The following IGSF22 variants were observed in gnomAD, a reference collection of about 807,000 sequenced individuals.
IGSF22 encodes the protein immunoglobulin superfamily, member 22.
A neutral mutation model predicts 127.0 loss-of-function variants in IGSF22; 119 were observed. That is an observed-to-expected ratio of 0.94 (90% CI 0.81 to 1.09). The LOEUF (loss-of-function observed/expected upper bound fraction) is 1.09. Among genes scored for constraint, IGSF22 ranks in the 50% least tolerant of loss-of-function variants. IGSF22 has a pLI of 0.00. For missense variants in IGSF22, 1,518 were observed against 1,716.6 expected (o/e 0.88, Z 2.04); for synonymous variants, 568 against 664.7 (o/e 0.85, Z 2.24).
chr11:18,712,280 T>A lies in IGSF22; in HGVS notation c.2200A>T (p.Thr734Ser). ...APKDNGGRPV[T>S]QFIVERRAVG... ...GCCCTCCGTTCCACTATGAACTGTG[T>A]CACAGGTCGTCCACCATTGTCCTTT... The change falls in exon 15 of 23, where the codon ACA becomes TCA. Residue 734 changes from threonine to serine, a missense_variant. Around this residue, in one of 3 missense-constraint regions of IGSF22, gnomAD observed 1,456 missense variants for 1,644.9 expected, o/e 0.89. Coordinates refer to ENST00000513874, the MANE Select transcript of IGSF22 (RefSeq NM_173588.4). The A allele has an allele frequency of 1.3e-6, 2 of 1,551,724 alleles. No homozygotes were observed. The highest frequency in any genetic ancestry group is 2.4e-5 in the South Asian group (2 of 84,060).
rs1312399503 is a variant in IGSF22, at chr11:18,710,772, T to C, written c.2455A>G (p.Thr819Ala). 4 of 1,614,056 alleles carry C rather than the reference T, an allele frequency of 2.5e-6. No homozygotes were observed. The highest frequency in any genetic ancestry group is 3.4e-6 in the Non-Finnish European group (4 of 1,179,994). ...TGGGTAGGGGCATTCCACGTGATGG[T>C]CACGGCTTCTTTAGTCACATCAGTC... ...QVTDVTKEAV[T>A]ITWNAPTQDG... The change falls in exon 16 of 23, where the codon ACC becomes GCC. Residue 819 changes from threonine to alanine, a missense_variant. This residue lies in a region of IGSF22 where 1,456 missense variants were observed against 1,644.9 expected (regional missense o/e 0.89). Transcript: ENST00000513874.
At position 18,709,458 on chromosome 11, in the gene IGSF22, C is replaced by T. The variant is rs73426484; in HGVS notation, c.2927G>A (p.Arg976Gln). The part of the protein sequence containing the change: ...IERQKYFFRI[R>Q]AVNEAGVGEP... Reference sequence around the variant, plus strand: ...CCCAACCCCAGCCTCATTCACAGCCCGGATTCGGAAGAAGTATTTCTGCCT... The same window carrying T: ...CCCAACCCCAGCCTCATTCACAGCCTGGATTCGGAAGAAGTATTTCTGCCT... The change falls in exon 18 of 23, where the codon CGG becomes CAG. Residue 976 changes from arginine to glutamine, a missense_variant. This residue lies in a region of IGSF22 where 1,456 missense variants were observed against 1,644.9 expected (regional missense o/e 0.89). Coordinates refer to ENST00000513874, the MANE Select transcript of IGSF22 (RefSeq NM_173588.4). The surrounding 1 kb of genome is among the most constrained non-coding windows in gnomAD (Gnocchi z 4.8). 4,151 of 1,614,132 alleles carry T rather than the reference C, an allele frequency of 2.6e-3. 79 individuals are homozygous for T. In the African/African-American group the frequency reaches 0.048, roughly 19 times the overall value.
At chr11:18,721,283 C>T (rs987863603) in intron 4 of IGSF22, among the ~76,000 whole-genome samples, 12 of 152,242 alleles carry the variant, frequency 7.9e-5, no homozygotes, top group African/African-American at 2.9e-4. Context: ...CGCCCCGCCA[C>T]GTTCTGGCTC....
In IGSF22 at chr11:18,716,847, G is replaced by A. The variant is rs770534188; in HGVS notation, c.1127C>T (p.Thr376Met). The change falls in exon 10 of 23, where the codon ACG (threonine) becomes ATG (methionine). Residue 376 changes from threonine to methionine, a missense_variant. Physicochemically the swap from Thr to Met is moderately conservative, Grantham distance 81. Around this residue, in one of 3 missense-constraint regions of IGSF22, gnomAD observed 1,456 missense variants for 1,644.9 expected, o/e 0.89. Transcript: ENST00000513874. This position sits in a 1 kb window ranked among gnomAD's most constrained non-coding sequence, Gnocchi z 4.5. Reference sequence around the variant, plus strand: ...GTGCGTCAGACCATCTTCGGACACCGTGATTTCATACTTGTCATCCCTCTT... The same window carrying A: ...GTGCGTCAGACCATCTTCGGACACCATGATTTCATACTTGTCATCCCTCTT... ...ELKRDDKYEITVSEDGLTHTL... is the reference protein window; with the variant it reads ...ELKRDDKYEIMVSEDGLTHTL... 1.5e-5 allele frequency: 25 copies of A among 1,614,064 alleles called. No homozygotes were observed. Among genetic ancestry groups the A allele is most frequent in the Non-Finnish European group, 2.1e-5 (25 of 1,180,044 alleles).
At chr11:18,712,917 C>T (rs530710030) in intron 14 of IGSF22, among the ~76,000 whole-genome samples, 196 of 152,236 alleles carry the variant, frequency 1.3e-3, no homozygotes, top group African/African-American at 4.5e-3. Flanking sequence ...ATGGCGTGTA[C>T]GTGGCGTGTT....
chr11:18,717,337 A>C (rs1205056416), intron 9 of IGSF22, among the ~76,000 whole-genome samples: 1 of 152,226 alleles, frequency 6.6e-6, no homozygotes, highest in Non-Finnish European at 1.5e-5. Flanking sequence ...ATCAAAGAGA[A>C]GTTAAATAAC....
At chr11:18,710,855 G>T (rs529192128) in intron 15 of IGSF22, 27 bp from the exon 16 acceptor site, 2 of 1,590,068 alleles carry the variant, frequency 1.3e-6, no homozygotes, top group East Asian at 4.5e-5. Flanking sequence ...GAGTGCAAAG[G>T]TTAGGAGGGG....
intron 17 of IGSF22, 148 bp downstream of exon 17, chr11:18,710,179 G>A: frequency 1.9e-6 from 2 of 1,040,504 alleles, no homozygotes; most frequent in Non-Finnish European, 2.8e-6. Flanking sequence ...TCTCTTGTGT[G>A]TGAATCTTGT....
intron 12 of IGSF22, 23 bp from the exon 13 acceptor site, chr11:18,714,441 AG>A: frequency 6.2e-7 from 1 of 1,614,068 alleles, no homozygotes; most frequent in Non-Finnish European, 8.5e-7. Flanking sequence ...GGTGGGCCTG[AG>A]TGTGAGCATA....
rs1422414953 is a variant in IGSF22 at position 18,712,226 on chromosome 11, CTA to C, written c.2252_2253del (p.Ile751ArgfsTer35). The C allele has an allele frequency of 3.2e-6, 5 of 1,551,640 alleles. No homozygotes were observed. In the Admixed American group the frequency reaches 9.8e-5, roughly 30 times the overall value. On this transcript the variant is annotated frameshift_variant, in exon 15 of 23. Coordinates refer to ENST00000513874, the MANE Select transcript of IGSF22 (RefSeq NM_173588.4). LOFTEE classifies it high-confidence loss of function. ...TTGGTGACTTTGCCGTCCACCTCGCCTATCTTAATCCAGGACTTCTTGCCAAC... is the reference window on the plus strand; with the variant it reads ...TTGGTGACTTTGCCGTCCACCTCGCCTCTTAATCCAGGACTTCTTGCCAAC... ...RAVGKKSWIK[I>X]GEVDGKVTNF... is the part of the protein sequence containing the mutation.
chr11:18,716,722 A>C lies in IGSF22; in HGVS notation c.1246+6T>G. On this transcript the variant is annotated splice_donor_region_variant and intron_variant, in intron 10 of 22. Coordinates refer to ENST00000513874, the MANE Select transcript of IGSF22 (RefSeq NM_173588.4). The surrounding 1 kb of genome is among the most constrained non-coding windows in gnomAD (Gnocchi z 4.5). ...CCACCCCTTAGGCTCTTGCCCAACC[A>C]CTCACGGTCAACAGTGAGCTGGGCC... The C allele has an allele frequency of 6.2e-7, 1 of 1,611,910 alleles. No homozygotes were observed. Among genetic ancestry groups the C allele is most frequent in the Non-Finnish European group, 8.5e-7 (1 of 1,178,136 alleles).
chr11:18,725,842 T>C (rs1035971601), intron 1 of IGSF22, among the ~76,000 whole-genome samples: 2 of 152,200 alleles, frequency 1.3e-5, no homozygotes, highest in African/African-American at 4.8e-5. Flanking sequence ...AGCTTTTGAC[T>C]CCAGTCCAGT....
rs1003838824 is a variant in IGSF22 at position 18,709,966 on chromosome 11, C to T, written c.2702-283G>A. Among the ~76,000 whole-genome samples, 2 of 152,176 alleles carry T rather than the reference C, an allele frequency of 1.3e-5. No homozygotes were observed. The highest frequency in any genetic ancestry group is 2.9e-5 in the Non-Finnish European group (2 of 68,022). On this transcript the variant is annotated intron_variant, in intron 17 of 22. Transcript: ENST00000513874. The surrounding 1 kb of genome is among the most constrained non-coding windows in gnomAD (Gnocchi z 4.8). ...TTCAAAACCCCAGCCTTTAACCCAA[C>T]CATCTCCACCACATCCACTTCCAGG...
intron 14 of IGSF22, among the ~76,000 whole-genome samples, chr11:18,713,260 C>A (rs1184662699): frequency 6.7e-6 from 1 of 149,832 alleles, no homozygotes; most frequent in African/African-American, 2.5e-5. Flanking sequence ...TCAAGCAATT[C>A]TTGTGCCTTA....
At chr11:18,719,309 G>GTT (rs377458792) in intron 7 of IGSF22, among the ~76,000 whole-genome samples, 68 of 90,596 alleles carry the variant, frequency 7.5e-4, no homozygotes, top group East Asian at 4.5e-3. Context: ...CACACCCAGC[G>GTT]GTTTTTTTTT....
Position 18,710,573 on chromosome 11 carries a change from G to C in IGSF22, c.2572+82C>G, listed in dbSNP as rs908035894. 1.5e-5 allele frequency: 24 copies of C among 1,579,844 alleles called. No homozygotes were observed. In the East Asian group the frequency reaches 5.4e-4, roughly 36 times the overall value. On this transcript the variant is annotated intron_variant, in intron 16 of 22. Transcript: ENST00000513874. ...GTTAAAACTTCCAGAAGAGTTGGATGAGGGACTGTGTCAGTAGTTAATGGG... is the reference window on the plus strand; with the variant it reads ...GTTAAAACTTCCAGAAGAGTTGGATCAGGGACTGTGTCAGTAGTTAATGGG...
At position 18,722,012 on chromosome 11, in the gene IGSF22, T is replaced by C; in HGVS notation, c.139A>G (p.Ile47Val). ...GTCACTAAGCTGAAGAACTCCACTA[T>C]GCTCGAGGACTTCCTCCTCACGACC... ...EEVVRRKSSS[I>V]VEFFSLVTRS... Residue 47 changes from isoleucine to valine, a missense_variant, in exon 3 of 23, where the codon ATA (isoleucine) becomes GTA (valine). Physicochemically the swap from Ile to Val is conservative, Grantham distance 29 (BLOSUM62 3). Transcript: ENST00000513874. The C allele has an allele frequency of 6.2e-7, 1 of 1,614,078 alleles. No homozygotes were observed. The highest frequency in any genetic ancestry group is 1.1e-5 in the South Asian group (1 of 91,086).
chr11:18,722,035 ACCT>A lies in IGSF22; in HGVS notation c.113_115del (p.Glu38del). 1 of 1,613,616 alleles carries A rather than the reference ACCT, an allele frequency of 6.2e-7. No individual in the cohort carries two copies. Among genetic ancestry groups the A allele is most frequent in the Non-Finnish European group, 8.5e-7 (1 of 1,179,990 alleles). On this transcript the variant is annotated inframe_deletion, in exon 3 of 23. Coordinates refer to ENST00000513874, the MANE Select transcript of IGSF22 (RefSeq NM_173588.4). ...TATGCTCGAGGACTTCCTCCTCACG[ACCT>A]CCTCTGTGGGGGCAGGCGAGAGGTC...
chr11:18,718,610 C>G lies in IGSF22; in HGVS notation c.810+5G>C, dbSNP rs754258895. On this transcript the variant is annotated splice_donor_5th_base_variant and intron_variant, in intron 8 of 22. Coordinates refer to ENST00000513874, the MANE Select transcript of IGSF22 (RefSeq NM_173588.4). ...CAAGGTGGACCCTGGCTAGGCATCCCCCACCTTGATCCATATCATCTTGAC... is the reference window on the plus strand; with the variant it reads ...CAAGGTGGACCCTGGCTAGGCATCCGCCACCTTGATCCATATCATCTTGAC... 16 of 1,552,116 alleles carry G rather than the reference C, an allele frequency of 1.0e-5. No individual in the cohort carries two copies. The highest frequency in any genetic ancestry group is 1.0e-4 in the South Asian group (9 of 89,992).
Sources: allele counts gnomAD v4.1 joint callset (sites outside exome capture counted in the v4.1 genomes callset), GRCh38; gene constraint gnomAD v4.1.1; regional missense constraint gnomAD v4.1.1; non-coding constraint Gnocchi (gnomAD v3.1); transcripts MANE v1.5; gene names NCBI Gene and HGNC (gene_info 2026-07-23, HGNC 2026-07-21).